AGBL4: variants seen among roughly 807,000 people sequenced by gnomAD.
The protein encoded by AGBL4 is cytosolic carboxypeptidase 6.
A neutral mutation model predicts 66.4 loss-of-function variants in AGBL4; 58 were observed. That is an observed-to-expected ratio of 0.87 (90% CI 0.71 to 1.09). The LOEUF is 1.09. AGBL4 is among the 50% of genes least tolerant of loss of function. The pLI, the probability that AGBL4 is intolerant of heterozygous loss-of-function variation, is 0.00. For synonymous variants in AGBL4, 234 were observed against 222.9 expected (o/e 1.05, Z -0.44); for missense variants, 579 against 631.0 (o/e 0.92, Z 0.88).
intron 1 of AGBL4, among the ~76,000 whole-genome samples, chr1:49,855,400 G>T (rs1303259812): frequency 6.6e-6 from 1 of 152,058 alleles, no homozygotes; most frequent in Non-Finnish European, 1.5e-5. Context: ...TAGACCAAAT[G>T]GACATAACAG....
intron 1 of AGBL4, among the ~76,000 whole-genome samples, chr1:49,939,469 T>C (rs1258797085): frequency 2.6e-5 from 4 of 151,964 alleles, no homozygotes; most frequent in Non-Finnish European, 5.9e-5. Flanking sequence ...AAGGCTACAG[T>C]AACCAAAACA....
intron 11 of AGBL4, 107 bp downstream of exon 11, chr1:48,586,897 G>A (rs1458183592): frequency 1.4e-6 from 2 of 1,421,556 alleles, no homozygotes; most frequent in Non-Finnish European, 2.0e-6. Flanking sequence ...CCTCACCTGA[G>A]AGTCTCAGCC....
At chr1:49,433,373 T>C (rs750121828) in intron 3 of AGBL4, among the ~76,000 whole-genome samples, 7 of 152,182 alleles carry the variant, frequency 4.6e-5, no homozygotes, top group Non-Finnish European at 1.0e-4. Flanking sequence ...TCTGATACTG[T>C]AGTGTCATAA....
intron 2 of AGBL4, among the ~76,000 whole-genome samples, chr1:49,740,945 C>G (rs929860808): frequency 6.6e-6 from 1 of 152,082 alleles, no homozygotes; most frequent in Non-Finnish European, 1.5e-5. Flanking sequence ...AGGAGAGAAG[C>G]AAGACTGATC....
chr1:49,356,946 C>T (rs1644032864), intron 3 of AGBL4, among the ~76,000 whole-genome samples: 1 of 152,194 alleles, frequency 6.6e-6, no homozygotes, highest in Non-Finnish European at 1.5e-5. Context: ...TTTTCAGCCA[C>T]CCCAAATTGG....
intron 5 of AGBL4, among the ~76,000 whole-genome samples, chr1:48,990,517 G>A (rs1557534007): frequency 6.6e-6 from 1 of 152,032 alleles, no homozygotes; most frequent in African/African-American, 2.4e-5. Flanking sequence ...TTCATAGTTT[G>A]GGGTCTTAGA....
At chr1:49,575,825 C>T (rs563278252) in intron 3 of AGBL4, among the ~76,000 whole-genome samples, 74 of 152,210 alleles carry the variant, frequency 4.9e-4, no homozygotes, top group Non-Finnish European at 8.4e-4. Context: ...ACTTTACTGT[C>T]CTGCTTCAGG....
chr1:49,424,712 G>T (rs997632427), intron 3 of AGBL4, among the ~76,000 whole-genome samples: 1 of 152,108 alleles, frequency 6.6e-6, no homozygotes, highest in Admixed American at 6.6e-5. Flanking sequence ...AAGCCCACGA[G>T]GTTTACAATG....
At chr1:48,734,991 A>G (rs1434780354) in intron 6 of AGBL4, among the ~76,000 whole-genome samples, 3 of 152,184 alleles carry the variant, frequency 2.0e-5, no homozygotes, top group African/African-American at 7.2e-5. Context: ...CTCTCCTCCC[A>G]CTAGCTGTAT....
At chr1:49,215,004 G>C (rs1026758464) in intron 4 of AGBL4, among the ~76,000 whole-genome samples, 3 of 152,076 alleles carry the variant, frequency 2.0e-5, no homozygotes, top group African/African-American at 7.2e-5. Context: ...TCATGAAACA[G>C]TTGTGATAGA....
chr1:49,060,584 G>C (rs945314926), intron 4 of AGBL4, among the ~76,000 whole-genome samples: 11 of 152,116 alleles, frequency 7.2e-5, no homozygotes, highest in African/African-American at 2.7e-4. Context: ...AGGGGGTGGG[G>C]GAGTGGTGCT....
intron 5 of AGBL4, among the ~76,000 whole-genome samples, chr1:48,905,313 C>A (rs899761328): frequency 1.6e-4 from 25 of 152,152 alleles, no homozygotes; most frequent in African/African-American, 5.8e-4. Context: ...ACATTTACCA[C>A]TTATGGTAAA....
intron 6 of AGBL4, among the ~76,000 whole-genome samples, chr1:48,694,853 T>C (rs1306426005): frequency 2.6e-5 from 4 of 152,152 alleles, no homozygotes; most frequent in Non-Finnish European, 5.9e-5. Context: ...AGTCATTTTT[T>C]GAATTCCCAC....
intron 4 of AGBL4, among the ~76,000 whole-genome samples, chr1:49,201,607 A>T (rs1375301164): frequency 1.3e-5 from 2 of 152,184 alleles, no homozygotes; most frequent in African/African-American, 4.8e-5. Context: ...TTGCTTCTTA[A>T]ATTTTATTTA....
rs559181072 is a variant in AGBL4, at chr1:48,690,092, C to T, written c.635-26851G>A. ...CAAGAGGGCAGCAAGTCTGTTCCTG[C>T]GCCATGGAGCCCATCACATGGCCCA... On this transcript the variant is annotated intron_variant, in intron 6 of 13. Transcript: ENST00000371839. Among the ~76,000 whole-genome samples, 21 of 152,350 alleles carry T rather than the reference C, an allele frequency of 1.4e-4. No homozygotes were observed. The East Asian group carries it at 3.1e-3, about 22-fold the overall frequency.
chr1:49,934,744 C>T (rs532140250), intron 1 of AGBL4, among the ~76,000 whole-genome samples: 1 of 148,934 alleles, frequency 6.7e-6, no homozygotes, highest in Non-Finnish European at 1.5e-5. Flanking sequence ...CCTCAAGAGA[C>T]TAGAAAAAGA....
chr1:49,592,871 G>C (rs563668850), intron 3 of AGBL4, among the ~76,000 whole-genome samples: 8 of 152,042 alleles, frequency 5.3e-5, no homozygotes, highest in Non-Finnish European at 1.0e-4. Context: ...CTTTGACCCC[G>C]CAATTCCATT....
intron 3 of AGBL4, among the ~76,000 whole-genome samples, chr1:49,326,490 G>A (rs1207439599): frequency 6.6e-6 from 1 of 152,184 alleles, no homozygotes; most frequent in African/African-American, 2.4e-5. Flanking sequence ...GAGGGTGAAT[G>A]AGATTATCCA....
At chr1:49,870,728 G>GA (rs1179979976) in intron 1 of AGBL4, among the ~76,000 whole-genome samples, 7 of 151,776 alleles carry the variant, frequency 4.6e-5, no homozygotes, top group African/African-American at 1.7e-4. Context: ...CTAAGCACAT[G>GA]AAAAGATATT....
Sources: allele counts gnomAD v4.1 joint callset (sites outside exome capture counted in the v4.1 genomes callset), GRCh38; gene constraint gnomAD v4.1.1; transcripts MANE v1.5; gene names NCBI Gene and HGNC (gene_info 2026-07-23, HGNC 2026-07-21).